The following RFTN2 variants were observed in gnomAD, a reference collection of about 807,000 sequenced individuals.
RFTN2 encodes the protein raftlin family member 2.
RFTN2 carries 34 observed loss-of-function variants against 52.7 expected under a neutral mutation model. The ratio of observed to expected loss-of-function variants is 0.64; its 90% CI spans 0.49 to 0.86. The LOEUF is 0.86. Ranked by LOEUF, RFTN2 falls within the 40% of genes least tolerant of loss-of-function variation. The pLI is 0.00. For missense variants in RFTN2, 536 were observed against 600.1 expected (o/e 0.89, Z 1.12); for synonymous variants, 203 against 217.7 (o/e 0.93, Z 0.59).
chr2:197,583,551 A>G (rs2087544581), intron 8 of RFTN2, among the ~76,000 whole-genome samples: 1 of 152,020 alleles, frequency 6.6e-6, no homozygotes, highest in South Asian at 2.1e-4. Flanking sequence ...GAAAGGTAGA[A>G]CGGACTAATG....
chr2:197,655,431 G>A (rs145540984), intron 1 of RFTN2, among the ~76,000 whole-genome samples: 2 of 152,220 alleles, frequency 1.3e-5, no homozygotes, highest in East Asian at 1.9e-4. Flanking sequence ...ACACATAAAA[G>A]TTTCAGGAGG....
At chr2:197,611,459 T>A (rs182128863) in intron 7 of RFTN2, among the ~76,000 whole-genome samples, 3 of 152,320 alleles carry the variant, frequency 2.0e-5, no homozygotes, top group African/African-American at 7.2e-5. Context: ...GGTAGTGATA[T>A]CCCCTTTATC....
chr2:197,609,377 T>C (rs60649043), intron 7 of RFTN2, among the ~76,000 whole-genome samples: 3,472 of 152,332 alleles, frequency 0.023, 121 homozygotes, highest in African/African-American at 0.08. Context: ...ATTTCTATAA[T>C]GACCAGTGAT....
intron 5 of RFTN2, among the ~76,000 whole-genome samples, chr2:197,626,438 CAT>C (rs1396295954): frequency 1.3e-5 from 2 of 151,698 alleles, no homozygotes; most frequent in African/African-American, 4.8e-5. Context: ...TGGTGGCGTG[CAT>C]ATAGTCCTGG....
At position 197,655,273 on chromosome 2, in the gene RFTN2, G is replaced by A. The variant is rs546287732; in HGVS notation, c.140-8607C>T. On this transcript the variant is annotated intron_variant, in intron 1 of 8. Coordinates refer to ENST00000295049, the MANE Select transcript of RFTN2 (RefSeq NM_144629.3). ...AGAATGTGTTCCCAAGAAATACCTC[G>A]TTTCTGGTGATGTCAGAAAAATTTT... 4.6e-5 allele frequency among the ~76,000 whole-genome samples: 7 copies of A among 152,242 alleles called. No homozygotes were observed. The South Asian group carries it at 6.2e-4, about 14-fold the overall frequency.
intron 1 of RFTN2, among the ~76,000 whole-genome samples, chr2:197,651,297 T>C (rs2088823216): frequency 2.0e-5 from 3 of 152,214 alleles, no homozygotes; most frequent in African/African-American, 4.8e-5. Flanking sequence ...TTTACTTTTT[T>C]TGCCTGTGCT....
At chr2:197,582,262 G>A (rs185885981) in intron 8 of RFTN2, among the ~76,000 whole-genome samples, 6 of 151,732 alleles carry the variant, frequency 4.0e-5, no homozygotes, top group South Asian at 2.1e-4. Flanking sequence ...TTTCTGCTCC[G>A]CAGCTCCTTC....
chr2:197,654,933 G>T (rs778529494), intron 1 of RFTN2, among the ~76,000 whole-genome samples: 2 of 151,898 alleles, frequency 1.3e-5, no homozygotes, highest in African/African-American at 4.8e-5. Flanking sequence ...GGAGACGGAG[G>T]TTGCAGTGAG....
chr2:197,607,641 T>C (rs2087984501), intron 7 of RFTN2, among the ~76,000 whole-genome samples: 2 of 152,154 alleles, frequency 1.3e-5, no homozygotes, highest in Non-Finnish European at 2.9e-5. Context: ...CAAAAGTAAA[T>C]GAGTTAATTC....
intron 8 of RFTN2, among the ~76,000 whole-genome samples, chr2:197,581,619 T>G (rs1045311301): frequency 6.6e-6 from 1 of 152,186 alleles, no homozygotes. Context: ...GACACCCTCC[T>G]GCTTCTTCAA....
At chr2:197,617,752 ATTATAT>A in intron 6 of RFTN2, 42 bp downstream of exon 6, 1 of 747,994 alleles carries the variant, frequency 1.3e-6, no homozygotes, top group Non-Finnish European at 1.8e-6. Flanking sequence ...TATATTATAT[ATTATAT>A]TTATATATGT....
At position 197,571,858 on chromosome 2, in the gene RFTN2, T is replaced by C. The variant is rs2087323213; in HGVS notation, c.*150A>G. The C allele has an allele frequency of 4.4e-6, 3 of 682,276 alleles. No homozygotes were observed. Among genetic ancestry groups the C allele is most frequent in the Non-Finnish European group, 7.4e-6 (3 of 405,340 alleles). The allele number at this position is 682,276 out of a possible 1,614,324, so 42.3% of individuals were successfully genotyped here. ...TGGTTATTCTTCCTTGTCTGGGAGG[T>C]TGTGCCAAAGTTTACATAGATTAGA... On this transcript the variant is annotated 3_prime_UTR_variant, in exon 9 of 9. Coordinates refer to ENST00000295049, the MANE Select transcript of RFTN2 (RefSeq NM_144629.3).
chr2:197,641,870 C>G (rs1458631232), intron 3 of RFTN2, among the ~76,000 whole-genome samples: 1 of 152,210 alleles, frequency 6.6e-6, no homozygotes, highest in African/African-American at 2.4e-5. Context: ...TGAAATAACC[C>G]TGTTGCTCTA....
chr2:197,621,337 G>T (rs2088260532), intron 5 of RFTN2, among the ~76,000 whole-genome samples: 2 of 151,484 alleles, frequency 1.3e-5, no homozygotes, highest in South Asian at 4.2e-4. Context: ...TCAATATTGG[G>T]AGGCACTAGC....
At chr2:197,595,567 C>T (rs923304028) in intron 8 of RFTN2, among the ~76,000 whole-genome samples, 7 of 152,130 alleles carry the variant, frequency 4.6e-5, no homozygotes, top group Admixed American at 2.6e-4. Flanking sequence ...ATGGGGTAAA[C>T]GAATGGAAGA....
intron 1 of RFTN2, among the ~76,000 whole-genome samples, chr2:197,661,446 C>T (rs962875092): frequency 3.9e-5 from 6 of 151,994 alleles, no homozygotes; most frequent in Non-Finnish European, 7.4e-5. Context: ...TGAGGTCTCA[C>T]AATGGTGCCC....
At chr2:197,659,565 C>G (rs1425286506) in intron 1 of RFTN2, among the ~76,000 whole-genome samples, 1 of 151,764 alleles carries the variant, frequency 6.6e-6, no homozygotes, top group African/African-American at 2.4e-5. Context: ...TGCCTGTAAT[C>G]CCAGCACTTT....
intron 4 of RFTN2, among the ~76,000 whole-genome samples, chr2:197,631,525 G>T (rs1271603978): frequency 6.6e-6 from 1 of 152,074 alleles, no homozygotes; most frequent in African/African-American, 2.4e-5. Flanking sequence ...AACCATAAAT[G>T]ATGTGTAACA....
intron 1 of RFTN2, among the ~76,000 whole-genome samples, chr2:197,650,208 T>C (rs1028859380): frequency 6.6e-6 from 1 of 152,144 alleles, no homozygotes; most frequent in Admixed American, 6.5e-5. Flanking sequence ...CACGCATTAT[T>C]GTGAAACAAA....
Sources: allele counts gnomAD v4.1 joint callset (sites outside exome capture counted in the v4.1 genomes callset), GRCh38; gene constraint gnomAD v4.1.1; transcripts MANE v1.5; gene names NCBI Gene and HGNC (gene_info 2026-07-23, HGNC 2026-07-21).